The following SAP130 variants were observed in gnomAD, a reference collection of about 807,000 sequenced individuals.
SAP130 encodes the protein Sin3A associated protein 130.
SAP130 carries 16 observed loss-of-function variants against 103.2 expected under a neutral mutation model. The observed-to-expected ratio is 0.16, with a 90% CI of 0.10 to 0.24. SAP130 has a LOEUF of 0.24. Among genes scored for constraint, SAP130 ranks in the 10% least tolerant of loss-of-function variants. SAP130 has a pLI of 1.00. For synonymous variants in SAP130, 477 were observed against 497.0 expected (o/e 0.96, Z 0.53); for missense variants, 990 against 1,359.7 (o/e 0.73, Z 4.28).
rs756488346 is a variant in SAP130 at position 127,978,098 on chromosome 2, G to C, written c.1959-9C>G. ...TTTTCCGAACTGCCATTCTGAAAGA[G>C]ACAAGAGACAAACCCGGAGAACAGC... On this transcript the variant is annotated splice_polypyrimidine_tract_variant and intron_variant, in intron 14 of 20. Transcript: ENST00000643581. 2 of 1,547,396 alleles carry C rather than the reference G, an allele frequency of 1.3e-6. No homozygotes were observed. Among genetic ancestry groups the C allele is most frequent in the Non-Finnish European group, 1.7e-6 (2 of 1,143,286 alleles).
chr2:127,980,904 A>AACAACAAC (rs1385256658), intron 14 of SAP130, among the ~76,000 whole-genome samples: 1 of 151,826 alleles, frequency 6.6e-6, no homozygotes, highest in Non-Finnish European at 1.5e-5. Flanking sequence ...TCTCAACAAC[A>AACAACAAC]ACAACAACAA....
At chr2:127,946,051 T>C (rs1559026609) in intron 18 of SAP130, among the ~76,000 whole-genome samples, 1 of 152,218 alleles carries the variant, frequency 6.6e-6, no homozygotes, top group African/African-American at 2.4e-5. Flanking sequence ...CACTAAGTGC[T>C]ACCTCCTAAA....
At chr2:127,969,627 G>A (rs1229071348) in intron 15 of SAP130, among the ~76,000 whole-genome samples, 2 of 152,240 alleles carry the variant, frequency 1.3e-5, no homozygotes, top group Non-Finnish European at 2.9e-5. Context: ...AGATCAAAGA[G>A]TTGGCAGGGC....
At chr2:127,952,548 A>G (rs1379166465) in intron 16 of SAP130, among the ~76,000 whole-genome samples, 6 of 151,686 alleles carry the variant, frequency 4.0e-5, no homozygotes, top group Non-Finnish European at 8.8e-5. Context: ...CTGTTTATAT[A>G]TAATGTCTCT....
intron 7 of SAP130, among the ~76,000 whole-genome samples, 167 bp downstream of exon 7, chr2:128,010,102 C>T (rs1156404785): frequency 6.6e-5 from 10 of 150,710 alleles, no homozygotes; most frequent in Admixed American, 6.0e-4. Flanking sequence ...GTGTGGGCAG[C>T]AATTTCTTTG....
rs1464223473 is a variant in SAP130 at position 127,949,884 on chromosome 2, C to G, written c.2782G>C (p.Asp928His). 6.2e-7 allele frequency: 1 copy of G among 1,614,026 alleles called. No individual in the cohort carries two copies. The highest frequency in any genetic ancestry group is 1.3e-5 in the African/African-American group (1 of 74,922). Reference protein sequence around the residue: ...AAYHHFQRYSDVRVKEEKKAM... With the variant: ...AAYHHFQRYSHVRVKEEKKAM... ...GGAAACTAACCTTTGACCCGGACGT[C>G]ACTGTACCTCTGAAAGTGGTGGTAA... is the stretch of plus-strand genomic sequence containing the variant. The change falls in exon 18 of 21, where the codon GAC (aspartate) becomes CAC (histidine). Residue 928 changes from aspartate (D) to histidine (H), a missense_variant. Transcript: ENST00000643581.
Position 128,013,059 on chromosome 2 carries a change from C to A in SAP130, c.715G>T (p.Val239Leu), listed in dbSNP as rs751924106. 1.2e-6 allele frequency: 2 copies of A among 1,613,204 alleles called. No homozygotes were observed. Among genetic ancestry groups the A allele is most frequent in the Non-Finnish European group, 1.7e-6 (2 of 1,179,808 alleles). The change falls in exon 6 of 21, where the codon GTA becomes TTA. Residue 239 changes from valine to leucine, a missense_variant. This residue lies in a region of SAP130 where 336 missense variants were observed against 520.1 expected (regional missense o/e 0.65). Transcript: ENST00000643581. The stretch of plus-strand genomic sequence containing the variant: ...ATTGGTTGGTGAATGATGTGCTGTA[C>A]TGCTGGCTGAGCAGTAGCAGCATTT... The part of the protein sequence containing the change: ...LPNAATAQPA[V>L]QHIIHQPIQS...
intron 10 of SAP130, among the ~76,000 whole-genome samples, chr2:127,998,579 T>G (rs1396569745): frequency 6.6e-6 from 1 of 152,180 alleles, no homozygotes; most frequent in Admixed American, 6.5e-5. Flanking sequence ...ACAGAAATAT[T>G]GGGGTTAGCA....
intron 15 of SAP130, among the ~76,000 whole-genome samples, chr2:127,963,666 C>T (rs1680425109): frequency 6.6e-6 from 1 of 152,148 alleles, no homozygotes; most frequent in South Asian, 2.1e-4. Flanking sequence ...GAGAGGGACC[C>T]TGTGGGAGAT....
chr2:128,008,280 C>T (rs1313440026), intron 7 of SAP130, among the ~76,000 whole-genome samples: 1 of 152,178 alleles, frequency 6.6e-6, no homozygotes, highest in East Asian at 1.9e-4. Context: ...AGCATGATGT[C>T]ATCCCTGATT....
intron 19 of SAP130, among the ~76,000 whole-genome samples, chr2:127,944,125 G>A (rs1447656042): frequency 1.3e-5 from 2 of 151,930 alleles, no homozygotes; most frequent in Non-Finnish European, 2.9e-5. Context: ...TTGGTCTTCC[G>A]GGCTCAAGAG....
intron 18 of SAP130, among the ~76,000 whole-genome samples, chr2:127,948,323 T>C (rs901358028): frequency 2.7e-5 from 4 of 150,146 alleles, no homozygotes; most frequent in African/African-American, 7.3e-5. Flanking sequence ...TTTTCTTTCC[T>C]GTGAGTTTTT....
chr2:127,982,099 A>G (rs945075368), intron 14 of SAP130, among the ~76,000 whole-genome samples: 1 of 152,004 alleles, frequency 6.6e-6, no homozygotes, highest in Non-Finnish European at 1.5e-5. Context: ...CTTCCATGAA[A>G]ATGATGAAAA....
At chr2:127,974,597 T>C (rs1453749006) in intron 15 of SAP130, among the ~76,000 whole-genome samples, 2 of 152,164 alleles carry the variant, frequency 1.3e-5, no homozygotes, top group Non-Finnish European at 2.9e-5. Context: ...GTGGATCACC[T>C]GAGGTCGGGA....
rs1682672045 is a variant in SAP130 at position 127,989,924 on chromosome 2, A to G, written c.1478-58T>C. On this transcript the variant is annotated intron_variant, in intron 12 of 20. Coordinates refer to ENST00000643581, the MANE Select transcript of SAP130 (RefSeq NM_001330301.2). The surrounding 1 kb of genome is among the most constrained non-coding windows in gnomAD (Gnocchi z 4.6). ...GTTAGCTTCATTTCACACAGTCCAC[A>G]TAAAGAGAGAAACACTAAAAACGGA... 2 of 1,495,106 alleles carry G rather than the reference A, an allele frequency of 1.3e-6. No individual in the cohort carries two copies. Among genetic ancestry groups the G allele is most frequent in the African/African-American group, 2.8e-5 (2 of 71,832 alleles). The allele number at this position is 1,495,106 out of a possible 1,614,324, so 92.6% of individuals were successfully genotyped here. A position where few individuals can be genotyped will look rare whatever the true frequency, so the allele number is the denominator to read the frequency against.
chr2:127,963,778 GCTCT>G (rs1460568951), intron 15 of SAP130, among the ~76,000 whole-genome samples: 1 of 152,130 alleles, frequency 6.6e-6, no homozygotes, highest in African/African-American at 2.4e-5. Context: ...CCCTGCACAA[GCTCT>G]CTCTTTGCCT....
chr2:127,987,470 GC>G (rs1184631434), intron 13 of SAP130, among the ~76,000 whole-genome samples: 2 of 152,068 alleles, frequency 1.3e-5, no homozygotes, highest in Non-Finnish European at 2.9e-5. Context: ...ACAGGCGTGA[GC>G]CACCACACTT....
rs1553515231 is a variant in SAP130 at position 128,010,410 on chromosome 2, AAC to A, written c.745-19_745-18del. 2 of 1,599,328 alleles carry A rather than the reference AAC, an allele frequency of 1.3e-6. No individual in the cohort carries two copies. Among genetic ancestry groups the A allele is most frequent in the Non-Finnish European group, 1.7e-6 (2 of 1,173,096 alleles). On this transcript the variant is annotated intron_variant, in intron 6 of 20. Transcript: ENST00000643581. ...TGGCCGAGACTACCAAAAGAGAAAA[AAC>A]AGTTCATTTAAAACAAAAATAAAAT... is the stretch of plus-strand genomic sequence containing the variant.
rs1266546619 is a variant in SAP130, at chr2:127,941,823, C to G, written c.*183G>C. ...CACCCGAACGCAAGAAGGCAGCTCACTATGTCCAGTCAGCTCTGATCCTTT... is the reference window on the plus strand; with the variant it reads ...CACCCGAACGCAAGAAGGCAGCTCAGTATGTCCAGTCAGCTCTGATCCTTT... On this transcript the variant is annotated 3_prime_UTR_variant, in exon 21 of 21. Transcript: ENST00000643581. 6.7e-6 allele frequency: 4 copies of G among 597,394 alleles called. No individual in the cohort carries two copies. The highest frequency in any genetic ancestry group is 1.2e-5 in the Non-Finnish European group (4 of 346,844). The allele number at this position is 597,394 out of a possible 1,614,324, so 37.0% of individuals were successfully genotyped here. A position where few individuals can be genotyped will look rare whatever the true frequency, so the allele number is the denominator to read the frequency against.
Sources: gnomAD v4.1 joint callset for allele counts (sites outside exome capture counted in the v4.1 genomes callset) on GRCh38, gnomAD v4.1.1 for gene constraint, gnomAD v4.1.1 regional missense constraint, Gnocchi (gnomAD v3.1) non-coding constraint, MANE v1.5 for transcripts, NCBI Gene and HGNC (gene_info 2026-07-23, HGNC 2026-07-21) for gene names.